DSG2: variants seen among roughly 807,000 people sequenced by gnomAD.
DSG2 encodes desmoglein 2.
Under a neutral mutation model 75.6 loss-of-function variants are expected in DSG2, and 45 were observed. The observed-to-expected ratio is 0.60, with a 90% CI of 0.47 to 0.76. DSG2 has a LOEUF of 0.76. DSG2 is among the 30% of genes least tolerant of loss of function. DSG2 has a pLI of 0.00. For synonymous variants in DSG2, 429 were observed against 483.9 expected (o/e 0.89, Z 1.49); for missense variants, 1,267 against 1,357.4 (o/e 0.93, Z 1.05).
chr18:31,511,644 A>T (rs1311403824), intron 1 of DSG2, among the ~76,000 whole-genome samples: 1 of 152,260 alleles, frequency 6.6e-6, no homozygotes, highest in Non-Finnish European at 1.5e-5. Flanking sequence ...ATGCTACTGC[A>T]ATACGTGCTA....
Position 31,543,796 on chromosome 18 carries a change from G to A in DSG2, c.2334+944G>A, listed in dbSNP as rs8099070. ...TAGGGGGATCACTTGAGCCTGGAAA[G>A]CCAAGGATGCAGTGAGCTGTGATCA... On this transcript the variant is annotated intron_variant, in intron 14 of 14. Coordinates refer to ENST00000261590, the MANE Select transcript of DSG2 (RefSeq NM_001943.5). Among the ~76,000 whole-genome samples, 1,166 of 149,988 alleles carry A rather than the reference G, an allele frequency of 7.8e-3. 21 individuals are homozygous for A. Among genetic ancestry groups the A allele is most frequent in the African/African-American group, 0.028 (1,129 of 40,852 alleles).
At chr18:31,527,092 G>A (rs1345210145) in intron 8 of DSG2, among the ~76,000 whole-genome samples, 1 of 152,008 alleles carries the variant, frequency 6.6e-6, no homozygotes, top group East Asian at 1.9e-4. Flanking sequence ...CACCACTTAT[G>A]GTGAGTGCTC....
intron 14 of DSG2, chr18:31,543,065 T>C (rs1342005961): frequency 4.2e-6 from 2 of 478,752 alleles, no homozygotes; most frequent in Non-Finnish European, 7.3e-6. Context: ...GCAGTAACCA[T>C]GATCTTAGTT....
chr18:31,524,916 T>C lies in DSG2; in HGVS notation c.1014+28T>C, dbSNP rs2073154862. Reference sequence around the variant, plus strand: ...AAGTACTAAGTATTCAAAACTGGCGTGGGCCAAGTTGGTGCTGGAAAGGAA... The same window carrying C: ...AAGTACTAAGTATTCAAAACTGGCGCGGGCCAAGTTGGTGCTGGAAAGGAA... On this transcript the variant is annotated intron_variant, in intron 8 of 14. Transcript: ENST00000261590. 2.5e-6 allele frequency: 4 copies of C among 1,604,550 alleles called. No homozygotes were observed. The East Asian group carries it at 6.7e-5, about 27-fold the overall frequency.
intron 1 of DSG2, among the ~76,000 whole-genome samples, chr18:31,500,487 C>T (rs548389869): frequency 6.6e-6 from 1 of 152,324 alleles, no homozygotes; most frequent in Admixed American, 6.5e-5. Flanking sequence ...AATCTAGTAG[C>T]TGGACACTAG....
chr18:31,530,285 C>G (rs760729829), intron 8 of DSG2, among the ~76,000 whole-genome samples: 5 of 152,204 alleles, frequency 3.3e-5, no homozygotes, highest in Admixed American at 6.5e-5. Flanking sequence ...GCTACCACTA[C>G]TTATTTTCAC....
rs1415117974 is a variant in DSG2 at position 31,498,261 on chromosome 18, A to C, written c.10A>C (p.Ser4Arg). 4 of 1,260,966 alleles carry C rather than the reference A, an allele frequency of 3.2e-6. No individual in the cohort carries two copies. The highest frequency in any genetic ancestry group is 4.0e-6 in the Non-Finnish European group (4 of 999,062). The allele number at this position is 1,260,966 out of a possible 1,614,324, so 78.1% of individuals were successfully genotyped here. A position where few individuals can be genotyped will look rare whatever the true frequency, so the allele number is the denominator to read the frequency against. ...CGGAGGCGAGGGTGCGATGGCGCGG[A>C]GCCCGGGACGCGCGTACGCCCTGCT... The part of the protein sequence containing the change: MAR[S>R]PGRAYALLLL... The change falls in exon 1 of 15, where the codon AGC becomes CGC. Residue 4 changes from serine (S) to arginine (R), a missense_variant. Transcript: ENST00000261590.
Position 31,527,749 on chromosome 18 carries a change from A to G in DSG2, c.1014+2861A>G, listed in dbSNP as rs187896352. The stretch of plus-strand genomic sequence containing the variant: ...TTAGTCCGTTTGGGCTGCTACAACA[A>G]AATGCCATCATCTGGGTTGCTTATT... On this transcript the variant is annotated intron_variant, in intron 8 of 14. Coordinates refer to ENST00000261590, the MANE Select transcript of DSG2 (RefSeq NM_001943.5). Among the ~76,000 whole-genome samples the G allele has an allele frequency of 1.5e-3, 236 of 152,356 alleles. 1 individual carries two copies. Among genetic ancestry groups the G allele is most frequent in the African/African-American group, 5.4e-3 (226 of 41,582 alleles).
At chr18:31,539,025 C>T (rs2144347141) in intron 12 of DSG2, 47 bp downstream of exon 12, 1 of 1,539,452 alleles carries the variant, frequency 6.5e-7, no homozygotes, top group East Asian at 2.2e-5. Flanking sequence ...AATCTGAGTG[C>T]ACTCCTGGAG....
At position 31,546,419 on chromosome 18, in the gene DSG2, A is replaced by G. The variant is rs2144361116; in HGVS notation, c.3033A>G (p.Val1011=). 3.1e-6 allele frequency: 5 copies of G among 1,614,186 alleles called. No homozygotes were observed. The highest frequency in any genetic ancestry group is 4.2e-6 in the Non-Finnish European group (5 of 1,180,034). Reference sequence around the variant, plus strand: ...AAGGCACTCAGCATCTTCAAGATGTACCTTACGTCATGGTGAGGGAAAGAG... The same window carrying G: ...AAGGCACTCAGCATCTTCAAGATGTGCCTTACGTCATGGTGAGGGAAAGAG... ...PLEGTQHLQD[V]PYVMVRERES... Residue 1011 remains valine (V), a synonymous_variant, in exon 15 of 15, where the codon GTA becomes GTG. Transcript: ENST00000261590.
At position 31,522,074 on chromosome 18, in the gene DSG2, T is replaced by A. The variant is rs11876289; in HGVS notation, c.524-9T>A. ...ATTTCATCTTAGACATCTTTATTTC[T>A]AATGCCAGATACTCTTGTGATGAAA... is the stretch of plus-strand genomic sequence containing the variant. On this transcript the variant is annotated splice_polypyrimidine_tract_variant and intron_variant, in intron 5 of 14. Transcript: ENST00000261590. 4.0e-3 allele frequency: 6,375 copies of A among 1,613,106 alleles called. 234 individuals are homozygous for A. In the African/African-American group the frequency reaches 0.074, roughly 19 times the overall value.
At chr18:31,534,508 A>ATTTTTTTTTT (rs80270967) in intron 9 of DSG2, among the ~76,000 whole-genome samples, 8 of 112,566 alleles carry the variant, frequency 7.1e-5, no homozygotes, top group East Asian at 3.0e-4. Context: ...ATGATCATTG[A>ATTTTTTTTTT]TTTTTTTTTT....
intron 6 of DSG2, among the ~76,000 whole-genome samples, chr18:31,523,950 A>G (rs1408062418): frequency 6.6e-6 from 1 of 152,200 alleles, no homozygotes; most frequent in African/African-American, 2.4e-5. Context: ...AACCATAGTA[A>G]GGGGACCTCA....
chr18:31,498,347 A>G (rs2072995176), intron 1 of DSG2, 51 bp downstream of exon 1: 1 of 1,248,984 alleles, frequency 8.0e-7, no homozygotes, highest in Non-Finnish European at 1.0e-6. Context: ...GGGCGTCGGT[A>G]GGCGAGGTCT....
intron 1 of DSG2, among the ~76,000 whole-genome samples, chr18:31,512,524 C>T (rs1006285244): frequency 6.6e-5 from 10 of 152,236 alleles, no homozygotes; most frequent in Non-Finnish European, 1.2e-4. Flanking sequence ...GTAGCACCAG[C>T]GAGCTTTTTC....
intron 6 of DSG2, among the ~76,000 whole-genome samples, chr18:31,523,842 G>C (rs1445499212): frequency 6.6e-6 from 1 of 152,182 alleles, no homozygotes; most frequent in Non-Finnish European, 1.5e-5. Context: ...ATGGCTCCAG[G>C]GTCCTGGTGT....
At position 31,545,783 on chromosome 18, in the gene DSG2, T is replaced by G. The variant is rs200201181; in HGVS notation, c.2397T>G (p.Tyr799Ter). ...CAGCCAAAGATTGCCTTCTGGTTTA[T>G]TCTCAGGAAGAAACTGAATCGCTGA... is the stretch of plus-strand genomic sequence containing the variant. ...NHTAKDCLLV[Y>*]SQEETESLNA... Residue 799 changes from tyrosine to a stop codon, truncating the protein, a stop_gained, in exon 15 of 15, where the codon TAT becomes TAG. Coordinates refer to ENST00000261590, the MANE Select transcript of DSG2 (RefSeq NM_001943.5). LOFTEE classifies it low-confidence loss of function (END_TRUNC). 1.9e-6 allele frequency: 3 copies of G among 1,614,218 alleles called. No homozygotes were observed. The highest frequency in any genetic ancestry group is 2.5e-6 in the Non-Finnish European group (3 of 1,180,044).
chr18:31,506,371 A>G (rs1378464615), intron 1 of DSG2, among the ~76,000 whole-genome samples: 1 of 152,254 alleles, frequency 6.6e-6, no homozygotes, highest in Non-Finnish European at 1.5e-5. Flanking sequence ...ACCTCATTTC[A>G]GAGATATAAT....
chr18:31,526,353 G>A (rs983590234), intron 8 of DSG2, among the ~76,000 whole-genome samples: 2 of 152,120 alleles, frequency 1.3e-5, no homozygotes, highest in African/African-American at 2.4e-5. Context: ...AGTGGAAAGA[G>A]GAATAATGGT....
Sources: allele counts gnomAD v4.1 joint callset (sites outside exome capture counted in the v4.1 genomes callset), GRCh38; gene constraint gnomAD v4.1.1; transcripts MANE v1.5; gene names NCBI Gene and HGNC (gene_info 2026-07-23, HGNC 2026-07-21).